Variants in RBL2 observed in about 807,000 individuals in gnomAD.
The protein encoded by RBL2 is retinoblastoma-like protein 2.
In RBL2, 56 loss-of-function variants were observed where a neutral mutation model predicts 126.0. The ratio of observed to expected loss-of-function variants is 0.44; its 90% CI spans 0.36 to 0.56. RBL2 has a LOEUF of 0.56. RBL2 is among the 20% of genes least tolerant of loss of function. The probability of loss-of-function intolerance (pLI) is 0.00; values close to 1 mark genes in which losing one functional copy is unlikely to be tolerated. For synonymous variants in RBL2, 454 were observed against 478.5 expected (o/e 0.95, Z 0.67); for missense variants, 1,229 against 1,398.2 (o/e 0.88, Z 1.93).
chr16:53,471,385 C>T (rs1361326713), intron 17 of RBL2, among the ~76,000 whole-genome samples: 1 of 152,136 alleles, frequency 6.6e-6, no homozygotes, highest in Non-Finnish European at 1.5e-5. Flanking sequence ...ATTTTAGTTT[C>T]TCCACTATCT....
chr16:53,451,089 G>A (rs2058110378), intron 4 of RBL2, among the ~76,000 whole-genome samples: 1 of 152,146 alleles, frequency 6.6e-6, no homozygotes, highest in Non-Finnish European at 1.5e-5. Context: ...TTTGTGTTCA[G>A]AATTTTCAAA....
At chr16:53,442,568 G>T in intron 2 of RBL2, 90 bp from the exon 3 acceptor site, 1 of 925,098 alleles carries the variant, frequency 1.1e-6, no homozygotes, top group South Asian at 1.7e-5. Context: ...ATAATTTAAT[G>T]CGATAATATT....
At chr16:53,442,392 A>G (rs2058025034) in intron 2 of RBL2, among the ~76,000 whole-genome samples, 1 of 152,154 alleles carries the variant, frequency 6.6e-6, no homozygotes, top group Non-Finnish European at 1.5e-5. Flanking sequence ...TGGTTAGGTT[A>G]CTCTTGTTAA....
chr16:53,443,271 C>T (rs1301353918), intron 3 of RBL2: 1 of 152,978 alleles, frequency 6.5e-6, no homozygotes, highest in Non-Finnish European at 1.5e-5. Context: ...TTTTATTGCG[C>T]AGGGGCCATG....
intron 4 of RBL2, among the ~76,000 whole-genome samples, chr16:53,450,172 A>G (rs2153140561): frequency 6.6e-6 from 1 of 152,182 alleles, no homozygotes. Context: ...TAATGTGTTG[A>G]TTATCGTTTG....
At chr16:53,439,954 CAAAAAAAAA>C (rs10591959) in intron 2 of RBL2, among the ~76,000 whole-genome samples, 8 of 91,964 alleles carry the variant, frequency 8.7e-5, no homozygotes, top group African/African-American at 1.2e-4. Context: ...ACCTTGTCTC[CAAAAAAAAA>C]AAAAAAAAAA....
At chr16:53,484,001 AAATG>A (rs1209703727) in intron 21 of RBL2, among the ~76,000 whole-genome samples, 10 of 152,050 alleles carry the variant, frequency 6.6e-5, no homozygotes, top group African/African-American at 2.4e-4. Context: ...AAACTGGAAT[AAATG>A]AAGACATACC....
chr16:53,469,131 G>A (rs1178908130), intron 14 of RBL2, among the ~76,000 whole-genome samples: 1 of 152,164 alleles, frequency 6.6e-6, no homozygotes, highest in African/African-American at 2.4e-5. Context: ...TTGGGAGGCT[G>A]AGGCACAAGA....
Position 53,479,225 on chromosome 16 carries a change from G to C in RBL2, c.2775G>C (p.Gln925His). ...GGACTCAGCCGCAGGCCCGGAGCCAGGTAACTACATTTTCTCTATGGGCTG... is the reference window on the plus strand; with the variant it reads ...GGACTCAGCCGCAGGCCCGGAGCCACGTAACTACATTTTCTCTATGGGCTG... The part of the protein sequence containing the change: ...CYRTQPQARS[Q>H]VYRSVLIKGK... The change falls in exon 18 of 22, where the codon CAG (glutamine) becomes CAC (histidine). Residue 925 changes from glutamine (Q) to histidine (H), a missense_variant and splice_region_variant. Gln to His is a conservative substitution (Grantham distance 24). Coordinates refer to ENST00000262133, the MANE Select transcript of RBL2 (RefSeq NM_005611.4). 6.2e-7 allele frequency: 1 copy of C among 1,611,090 alleles called. No homozygotes were observed. Among genetic ancestry groups the C allele is most frequent in the East Asian group, 2.2e-5 (1 of 44,848 alleles).
At chr16:53,480,513 A>G (rs1960899747) in intron 19 of RBL2, 54 bp from the exon 20 acceptor site, 2 of 1,481,058 alleles carry the variant, frequency 1.4e-6, no homozygotes, top group Non-Finnish European at 1.8e-6. Context: ...AAAAAATTAA[A>G]ACAGTCAATA....
chr16:53,462,916 A>G (rs775136785), intron 11 of RBL2, among the ~76,000 whole-genome samples: 7 of 151,912 alleles, frequency 4.6e-5, no homozygotes, highest in Admixed American at 1.3e-4. Flanking sequence ...TCTCGGCTCA[A>G]TGCAACCTCC....
chr16:53,487,719 C>CTTA (rs1567750571), intron 21 of RBL2: 1 of 152,122 alleles, frequency 6.6e-6, no homozygotes, highest in Non-Finnish European at 1.5e-5. Flanking sequence ...ATTTGAGACA[C>CTTA]TGTTAAGAGA....
chr16:53,468,155 T>G (rs1369328826), intron 14 of RBL2, among the ~76,000 whole-genome samples: 1 of 152,232 alleles, frequency 6.6e-6, no homozygotes, highest in Non-Finnish European at 1.5e-5. Context: ...AATCCTTGGA[T>G]CCAATTAAAA....
intron 21 of RBL2, chr16:53,489,361 T>C (rs148257856): frequency 1.8e-4 from 28 of 152,354 alleles, no homozygotes; most frequent in African/African-American, 6.7e-4. Context: ...TGAATTTGCT[T>C]AGTATGCTTT....
chr16:53,489,941 C>G (rs1050592141), intron 21 of RBL2, 189 bp from the exon 22 acceptor site: 3 of 409,944 alleles, frequency 7.3e-6, no homozygotes, highest in Non-Finnish European at 1.3e-5. Flanking sequence ...AGCCCCTTCT[C>G]AAATAGCCAT....
chr16:53,482,584 C>T (rs1960996921), intron 21 of RBL2, among the ~76,000 whole-genome samples: 1 of 152,042 alleles, frequency 6.6e-6, no homozygotes, highest in South Asian at 2.1e-4. Flanking sequence ...CCACAGTGGG[C>T]AGATCACCTG....
chr16:53,470,326 G>A (rs1598117694), intron 15 of RBL2, 57 bp from the exon 16 acceptor site: 6 of 1,582,746 alleles, frequency 3.8e-6, no homozygotes, highest in Admixed American at 1.7e-5. Context: ...GTAAACCTCT[G>A]CCCGGAGAAC....
chr16:53,481,691 T>A lies in RBL2; in HGVS notation c.3105T>A (p.Ser1035=). The change falls in exon 21 of 22, where the codon TCT becomes TCA. Residue 1035 remains serine (S), a synonymous_variant. Transcript: ENST00000262133. The stretch of plus-strand genomic sequence containing the variant: ...AACAGATGGATGCTCCTCCACTCTC[T>A]CCCTATCCATTTGTAAGAACAGGCT... ...SQANMDAPPL[S]PYPFVRTGSP... is the part of the protein sequence containing the mutation. 6.2e-7 allele frequency: 1 copy of A among 1,611,986 alleles called. No individual in the cohort carries two copies. Among genetic ancestry groups the A allele is most frequent in the Non-Finnish European group, 8.5e-7 (1 of 1,178,542 alleles).
At chr16:53,461,268 G>A (rs755389263) in intron 9 of RBL2, among the ~76,000 whole-genome samples, 18 of 152,164 alleles carry the variant, frequency 1.2e-4, no homozygotes, top group Non-Finnish European at 8.8e-5. Flanking sequence ...TGAGGCAAGT[G>A]GATCACTTGA....
Sources: gnomAD v4.1 joint callset for allele counts (sites outside exome capture counted in the v4.1 genomes callset) on GRCh38, gnomAD v4.1.1 for gene constraint, MANE v1.5 for transcripts, NCBI Gene and HGNC (gene_info 2026-07-23, HGNC 2026-07-21) for gene names.